PTPRG: variants seen among roughly 807,000 people sequenced by gnomAD.
PTPRG encodes the protein protein tyrosine phosphatase receptor type G.
Under a neutral mutation model 165.3 loss-of-function variants are expected in PTPRG, and 102 were observed. The ratio of observed to expected loss-of-function variants is 0.62; its 90% CI spans 0.53 to 0.73. The LOEUF (loss-of-function observed/expected upper bound fraction) is 0.73. Ranked by LOEUF, PTPRG falls within the 30% of genes least tolerant of loss-of-function variation. The pLI is 0.00. For synonymous variants in PTPRG, 675 were observed against 669.5 expected (o/e 1.01, Z -0.13); for missense variants, 1,866 against 1,861.4 (o/e 1.00, Z -0.05).
chr3:62,085,400 G>C (rs560954404), intron 5 of PTPRG, among the ~76,000 whole-genome samples: 162 of 152,168 alleles, frequency 1.1e-3, no homozygotes, highest in African/African-American at 3.7e-3. Flanking sequence ...CATGTTAAAG[G>C]GATGCATCTC....
At chr3:62,065,867 T>C (rs1360452369) in intron 4 of PTPRG, among the ~76,000 whole-genome samples, 1 of 152,194 alleles carries the variant, frequency 6.6e-6, no homozygotes, top group Non-Finnish European at 1.5e-5. Flanking sequence ...AATACTTCAC[T>C]GTAGAGGTTC....
Position 61,746,587 on chromosome 3 carries a change from C to T in PTPRG, c.86-2291C>T, listed in dbSNP as rs546919831. ...TAATCCCTTACTTGGTCCTCAACCA[C>T]CCCCCGAGGCTTCCACTTTGTCTAA... On this transcript the variant is annotated intron_variant, in intron 1 of 29. Transcript: ENST00000474889. Among the ~76,000 whole-genome samples the T allele has an allele frequency of 5.3e-5, 8 of 152,166 alleles. 1 individual carries two copies. The South Asian group carries it at 1.0e-3, about 20-fold the overall frequency.
intron 10 of PTPRG, among the ~76,000 whole-genome samples, chr3:62,200,458 A>G (rs949153566): frequency 2.0e-5 from 3 of 151,816 alleles, no homozygotes; most frequent in Non-Finnish European, 4.4e-5. Context: ...TTTAGTAGAG[A>G]TGAGGTTTCA....
chr3:61,809,629 T>G (rs1274548328), intron 2 of PTPRG, among the ~76,000 whole-genome samples: 1 of 152,174 alleles, frequency 6.6e-6, no homozygotes, highest in Non-Finnish European at 1.5e-5. Context: ...CAGTGAATAC[T>G]ATATGTCATG....
intron 1 of PTPRG, among the ~76,000 whole-genome samples, chr3:61,660,794 A>G (rs1178724241): frequency 6.6e-6 from 1 of 152,138 alleles, no homozygotes; most frequent in Non-Finnish European, 1.5e-5. Context: ...TGAGGTCGGG[A>G]GTTCGAGACC....
At chr3:62,291,760 C>T (rs1702905996) in intron 28 of PTPRG, among the ~76,000 whole-genome samples, 1 of 152,158 alleles carries the variant, frequency 6.6e-6, no homozygotes, top group South Asian at 2.1e-4. Flanking sequence ...TGTGCCATCA[C>T]AGATTCTTGT....
chr3:61,641,768 A>G (rs183790937), intron 1 of PTPRG, among the ~76,000 whole-genome samples: 28 of 152,370 alleles, frequency 1.8e-4, no homozygotes, highest in African/African-American at 6.7e-4. Context: ...GCCCAAATCT[A>G]GAAGCACGGA....
chr3:61,655,023 G>A (rs1231482685), intron 1 of PTPRG, among the ~76,000 whole-genome samples: 1 of 151,818 alleles, frequency 6.6e-6, no homozygotes, highest in Non-Finnish European at 1.5e-5. Context: ...CTGACCTCAG[G>A]TGATCCACCC....
intron 2 of PTPRG, among the ~76,000 whole-genome samples, chr3:61,909,730 C>G (rs2038754330): frequency 6.6e-6 from 1 of 151,414 alleles, no homozygotes; most frequent in African/African-American, 2.5e-5. Flanking sequence ...GTTTAAACCT[C>G]AAGGGTAGCA....
Position 61,931,657 on chromosome 3 carries a change from A to G in PTPRG, c.191-57968A>G, listed in dbSNP as rs116554422. On this transcript the variant is annotated intron_variant, in intron 2 of 29. Transcript: ENST00000474889. ...TACTAATTTAAGTTTATGATCTAAC[A>G]TGATCAAACGCACAACTGAGTCTAT... Among the ~76,000 whole-genome samples, 224 of 152,338 alleles carry G rather than the reference A, an allele frequency of 1.5e-3. 1 individual carries two copies. Among genetic ancestry groups the G allele is most frequent in the African/African-American group, 5.3e-3 (219 of 41,572 alleles).
At chr3:62,069,668 T>TCACA (rs1391584965) in intron 4 of PTPRG, among the ~76,000 whole-genome samples, 5 of 120,012 alleles carry the variant, frequency 4.2e-5, no homozygotes, top group African/African-American at 1.8e-4. Flanking sequence ...TCTCTCTCTC[T>TCACA]CTCTCTCTCT....
At position 62,233,910 on chromosome 3, in the gene PTPRG, A is replaced by G. The variant is rs190276477; in HGVS notation, c.2375+2599A>G. On this transcript the variant is annotated intron_variant, in intron 14 of 29. Transcript: ENST00000474889. This position sits in a 1 kb window ranked among gnomAD's most constrained non-coding sequence, Gnocchi z 4.7. ...GTAATACTTGACATGATTCAAAATA[A>G]AAAAGTTTAAAATTATATGCACCAC... Among the ~76,000 whole-genome samples, 1 of 152,288 alleles carries G rather than the reference A, an allele frequency of 6.6e-6. No individual in the cohort carries two copies. Among genetic ancestry groups the G allele is most frequent in the East Asian group, 1.9e-4 (1 of 5,186 alleles).
chr3:61,638,525 T>C (rs1315394711), intron 1 of PTPRG, among the ~76,000 whole-genome samples: 2 of 89,238 alleles, frequency 2.2e-5, no homozygotes, highest in East Asian at 4.1e-4. Flanking sequence ...TAGATTATCA[T>C]AGAATTGAAA....
intron 2 of PTPRG, among the ~76,000 whole-genome samples, chr3:61,767,971 CAAAAAAAAAA>C (rs35466366): frequency 1.9e-5 from 2 of 104,186 alleles, no homozygotes; most frequent in Non-Finnish European, 3.8e-5. Context: ...GACCCTGTCT[CAAAAAAAAAA>C]AAAAAAAAAA....
At chr3:62,081,264 ACAAACAAACAAAC>A (rs1701567254) in intron 5 of PTPRG, among the ~76,000 whole-genome samples, 7 of 135,624 alleles carry the variant, frequency 5.2e-5, no homozygotes, top group Admixed American at 7.9e-5. Flanking sequence ...CTCAAAACAA[ACAAACAAACAAAC>A]AAACAAACAA....
At chr3:61,757,790 T>C (rs986628729) in intron 2 of PTPRG, among the ~76,000 whole-genome samples, 10 of 152,240 alleles carry the variant, frequency 6.6e-5, no homozygotes, top group African/African-American at 2.2e-4. Flanking sequence ...AAACATCTTT[T>C]TTCTTGGTTA....
chr3:62,054,502 G>C (rs1439747309), intron 4 of PTPRG, among the ~76,000 whole-genome samples: 1 of 152,160 alleles, frequency 6.6e-6, no homozygotes, highest in African/African-American at 2.4e-5. Context: ...ACGTGGGCCA[G>C]GTGATTTGAT....
intron 2 of PTPRG, among the ~76,000 whole-genome samples, chr3:61,972,661 T>C (rs2040411227): frequency 6.6e-6 from 1 of 150,668 alleles, no homozygotes; most frequent in African/African-American, 2.4e-5. Flanking sequence ...TTCTTTTCTT[T>C]TTTTTTTTTG....
intron 2 of PTPRG, among the ~76,000 whole-genome samples, chr3:61,831,466 TTTTTTG>T (rs1228825716): frequency 2.0e-5 from 3 of 152,186 alleles, no homozygotes; most frequent in Non-Finnish European, 4.4e-5. Flanking sequence ...TGACACCTGT[TTTTTTG>T]TTTTTGTTTT....
Sources: gnomAD v4.1 joint callset for allele counts (sites outside exome capture counted in the v4.1 genomes callset) on GRCh38, gnomAD v4.1.1 for gene constraint, Gnocchi (gnomAD v3.1) non-coding constraint, MANE v1.5 for transcripts, NCBI Gene and HGNC (gene_info 2026-07-23, HGNC 2026-07-21) for gene names.